Variants in IL7 observed in about 807,000 individuals in gnomAD.
IL7 encodes interleukin-7.
In IL7, 3 loss-of-function variants were observed where a neutral mutation model predicts 21.6. That is an observed-to-expected ratio of 0.14 (90% confidence interval 0.06 to 0.36). The LOEUF is 0.36. IL7 is among the 10% of genes least tolerant of loss of function. The pLI is 1.00. For missense variants in IL7, 175 were observed against 200.2 expected (o/e 0.87, Z 0.76); for synonymous variants, 62 against 68.1 (o/e 0.91, Z 0.44).
chr8:78,716,999 G>A (rs533533008), downstream of IL7, among the ~76,000 whole-genome samples: 2 of 151,494 alleles, frequency 1.3e-5, no homozygotes, highest in East Asian at 3.9e-4. Context: ...TGTACAGCCT[G>A]CAGAACTGTG....
At chr8:78,688,688 CAGTG>C (rs1358658046) in intron 3 of IL7, among the ~76,000 whole-genome samples, 1 of 152,046 alleles carries the variant, frequency 6.6e-6, no homozygotes, top group Non-Finnish European at 1.5e-5. Context: ...TGAATTATGT[CAGTG>C]AGATATATTT....
rs1278909014 is a variant in IL7, at chr8:78,733,483, A to T, written c.*230T>A. 2.5e-5 allele frequency: 10 copies of T among 400,374 alleles called. No individual in the cohort carries two copies. The highest frequency in any genetic ancestry group is 1.8e-4 in the South Asian group (6 of 32,602). 24.8% of individuals were successfully genotyped at this position (400,374 alleles called of 1,614,324 possible). On this transcript the variant is annotated 3_prime_UTR_variant, in exon 6 of 6. Coordinates refer to ENST00000263851, the MANE Select transcript of IL7 (RefSeq NM_000880.4). ...TCAGTACAGAATTATACTGATTGAT[A>T]AATGTTCACATATATAAGAAATAGT... is the stretch of plus-strand genomic sequence containing the variant.
intron 4 of IL7, among the ~76,000 whole-genome samples, chr8:78,681,718 A>T (rs992550000): frequency 1.3e-5 from 2 of 152,066 alleles, no homozygotes; most frequent in African/African-American, 4.8e-5. Context: ...AATAAATGAC[A>T]TTTTGATTTT....
At chr8:78,756,905 A>AT (rs1563422817) in intron 2 of IL7, among the ~76,000 whole-genome samples, 1 of 148,896 alleles carries the variant, frequency 6.7e-6, no homozygotes, top group African/African-American at 2.5e-5. Context: ...TCTGCTCTTT[A>AT]TTTTTGCCTT....
downstream of IL7, among the ~76,000 whole-genome samples, chr8:78,732,018 A>T (rs554231276): frequency 2.6e-5 from 4 of 152,202 alleles, no homozygotes; most frequent in East Asian, 7.7e-4. Flanking sequence ...TCAAGAGTTT[A>T]CCTTTAGAAA....
chr8:78,696,159 TG>T (rs2130535485), intron 3 of IL7, among the ~76,000 whole-genome samples: 1 of 152,104 alleles, frequency 6.6e-6, no homozygotes, highest in African/African-American at 2.4e-5. Context: ...CTCAGCCTCC[TG>T]AGTAGCTGGG....
At chr8:78,686,466 G>A in intron 3 of IL7, 1 of 1,360,258 alleles carries the variant, frequency 7.4e-7, no homozygotes, top group Non-Finnish European at 9.7e-7. Flanking sequence ...TTTATTTATA[G>A]CCAGAACCAC....
intron 2 of IL7, among the ~76,000 whole-genome samples, chr8:78,775,214 A>C (rs1305719773): frequency 6.6e-6 from 1 of 152,138 alleles, no homozygotes; most frequent in South Asian, 2.1e-4. Context: ...TCCAGGAACT[A>C]TATGATTCAA....
chr8:78,713,297 G>T (rs1284691405), downstream of IL7, among the ~76,000 whole-genome samples: 1 of 151,810 alleles, frequency 6.6e-6, no homozygotes, highest in Non-Finnish European at 1.5e-5. Context: ...TAAATGACAG[G>T]TATTTAATAT....
At chr8:78,695,817 G>A (rs753450979) in intron 3 of IL7, among the ~76,000 whole-genome samples, 50 of 152,050 alleles carry the variant, frequency 3.3e-4, no homozygotes, top group Non-Finnish European at 6.9e-4. Context: ...TTCAGGTGCT[G>A]GCATAATACT....
In IL7 at chr8:78,733,197, T is replaced by C. The variant is rs1307851609; in HGVS notation, c.*516A>G. 1 of 152,246 alleles carries C rather than the reference T, an allele frequency of 6.6e-6. No homozygotes were observed. Among genetic ancestry groups the C allele is most frequent in the Non-Finnish European group, 1.5e-5 (1 of 68,104 alleles). 9.4% of individuals were successfully genotyped at this position (152,246 alleles called of 1,614,324 possible). A position where few individuals can be genotyped will look rare whatever the true frequency, so the allele number is the denominator to read the frequency against. On this transcript the variant is annotated 3_prime_UTR_variant, in exon 6 of 6. Transcript: ENST00000263851. ...TATGCTGTTGCTTACTTAAGGTTTATGACTCTCTTATTCTCACCGGCATTA... is the reference window on the plus strand; with the variant it reads ...TATGCTGTTGCTTACTTAAGGTTTACGACTCTCTTATTCTCACCGGCATTA...
chr8:78,775,296 C>CGGCATATTCACCTGTACTTGGTACAGT (rs1813096023), intron 2 of IL7, among the ~76,000 whole-genome samples: 1 of 152,072 alleles, frequency 6.6e-6, no homozygotes, highest in Non-Finnish European at 1.5e-5. Context: ...GAAAACCTGA[C>CGGCATATTCACCTGTACTTGGTACAGT]GGCATATTCA....
intron 2 of IL7, chr8:78,761,529 C>T (rs1812555961): frequency 1.2e-6 from 2 of 1,611,844 alleles, no homozygotes; most frequent in South Asian, 1.1e-5. Context: ...GCATCAGCTT[C>T]ATAAGGCAGG....
intron 3 of IL7, chr8:78,712,029 A>G: frequency 7.8e-7 from 1 of 1,289,746 alleles, no homozygotes; most frequent in Non-Finnish European, 1.0e-6. Flanking sequence ...GAACGGGAAG[A>G]CTTGTGCAAA....
intron 3 of IL7, among the ~76,000 whole-genome samples, chr8:78,725,012 G>A (rs1027913448): frequency 1.3e-5 from 2 of 151,942 alleles, no homozygotes; most frequent in African/African-American, 4.8e-5. Context: ...GTTATTATCT[G>A]TAATGGGCAT....
At chr8:78,801,749 T>A (rs1024805907) in intron 1 of IL7, among the ~76,000 whole-genome samples, 1 of 152,212 alleles carries the variant, frequency 6.6e-6, no homozygotes, top group Non-Finnish European at 1.5e-5. Flanking sequence ...GTCCTCCAAA[T>A]GCAGAAACTC....
intron 1 of IL7, 63 bp downstream of exon 1, chr8:78,804,850 C>A: frequency 6.2e-7 from 1 of 1,602,080 alleles, no homozygotes; most frequent in African/African-American, 1.3e-5. Context: ...GCCCCCAGCG[C>A]GTCTGGGATT....
chr8:78,718,849 A>G (rs1441555092), intron 6 of IL7: 2 of 151,706 alleles, frequency 1.3e-5, no homozygotes, highest in East Asian at 3.9e-4. Flanking sequence ...GGTACAAACA[A>G]ATCTCTTATA....
At chr8:78,694,198 A>G (rs548735406) in intron 3 of IL7, among the ~76,000 whole-genome samples, 1 of 150,828 alleles carries the variant, frequency 6.6e-6, no homozygotes, top group Non-Finnish European at 1.5e-5. Context: ...GTTGTCTGCT[A>G]TTTCTTTAAA....
Sources: allele counts gnomAD v4.1 joint callset (sites outside exome capture counted in the v4.1 genomes callset), GRCh38; gene constraint gnomAD v4.1.1; transcripts MANE v1.5; gene names NCBI Gene and HGNC (gene_info 2026-07-23, HGNC 2026-07-21).